Variants in C5 observed in about 807,000 individuals in gnomAD.
The protein encoded by C5 is C3 and PZP-like alpha-2-macroglobulin domain-containing protein 4.
C5 carries 140 observed loss-of-function variants against 218.8 expected under a neutral mutation model. The ratio of observed to expected loss-of-function variants is 0.64; its 90% CI spans 0.56 to 0.74. The LOEUF is 0.74. C5 is among the 30% of genes least tolerant of loss of function. The pLI is 0.00. For synonymous variants in C5, 614 were observed against 682.3 expected, an observed-to-expected ratio of 0.90 and a Z score of 1.56; for missense variants, 1,700 against 1,969.6, an observed-to-expected ratio of 0.86 and a Z score of 2.59.
intron 22 of C5, among the ~76,000 whole-genome samples, chr9:120,993,635 G>C (rs930717029): frequency 6.6e-6 from 1 of 151,996 alleles, no homozygotes; most frequent in African/African-American, 2.4e-5. Context: ...TTTTAGCCAG[G>C]ATGGTCTCGA....
chr9:121,042,676 T>C (rs2047591305), intron 3 of C5, among the ~76,000 whole-genome samples: 2 of 152,338 alleles, frequency 1.3e-5, no homozygotes, highest in South Asian at 2.1e-4. Flanking sequence ...TCTACAGCAG[T>C]TGGTTTTTGT....
At chr9:121,056,765 C>T in the C5 span, among the ~76,000 whole-genome samples, 1 of 151,470 alleles carries the variant, frequency 6.6e-6, no homozygotes, top group Non-Finnish European at 1.5e-5. Flanking sequence ...GAGTTACTAG[C>T]CTTAAAGGGG....
chr9:121,028,112 A>T (rs1311860424), intron 7 of C5, among the ~76,000 whole-genome samples: 1 of 152,248 alleles, frequency 6.6e-6, no homozygotes, highest in Non-Finnish European at 1.5e-5. Context: ...ATCACTGGTC[A>T]TCAGAGAAAT....
intron 27 of C5, among the ~76,000 whole-genome samples, chr9:120,981,426 T>C: frequency 6.6e-6 from 1 of 152,242 alleles, no homozygotes; most frequent in Non-Finnish European, 1.5e-5. Context: ...TGCTGTTGTG[T>C]ATCCTCAGTA....
At position 120,989,715 on chromosome 9, in the gene C5, G is replaced by A; in HGVS notation, c.3007C>T (p.Leu1003Phe). 1 of 1,614,102 alleles carries A rather than the reference G, an allele frequency of 6.2e-7. No homozygotes were observed. The highest frequency in any genetic ancestry group is 8.5e-7 in the Non-Finnish European group (1 of 1,179,982). ...SQEGINILTH[L>F]PKGSAEAELM... ...TCCGCCTCTGCACTCCCTTTGGGGA[G>A]GTGGGTTAGGATATTGATGCCTTCC... is the stretch of plus-strand genomic sequence containing the variant. Residue 1003 changes from leucine to phenylalanine, a missense_variant, in exon 24 of 41, where the codon CTC becomes TTC. Coordinates refer to ENST00000223642, the MANE Select transcript of C5 (RefSeq NM_001735.3).
At chr9:121,006,819 G>A in intron 19 of C5, 85 bp downstream of exon 19, 1 of 991,940 alleles carries the variant, frequency 1.0e-6, no homozygotes, top group East Asian at 2.4e-5. Flanking sequence ...TTAAGTCCTG[G>A]GTAAACTAAA....
rs1237503357 is a variant in C5, at chr9:120,952,361, A to T, written c.*378T>A. The T allele has an allele frequency of 1.1e-5, 3 of 283,234 alleles. No homozygotes were observed. The highest frequency in any genetic ancestry group is 2.1e-5 in the Non-Finnish European group (3 of 145,484). 17.5% of individuals were successfully genotyped at this position (283,234 alleles called of 1,614,324 possible). On this transcript the variant is annotated 3_prime_UTR_variant, in exon 41 of 41. Transcript: ENST00000223642. ...TTGAAAGCAAACTCAGGCTTTAATGATCAGTTTCCTGTTCCTTGGTATTTT... is the reference window on the plus strand; with the variant it reads ...TTGAAAGCAAACTCAGGCTTTAATGTTCAGTTTCCTGTTCCTTGGTATTTT...
chr9:121,041,282 A>AG (rs1465559661), intron 3 of C5, among the ~76,000 whole-genome samples: 1 of 142,702 alleles, frequency 7.0e-6, no homozygotes, highest in Non-Finnish European at 1.5e-5. Flanking sequence ...CTGATAGAGA[A>AG]ATAATACATG....
chr9:120,962,802 G>A lies in C5; in HGVS notation c.4399-26C>T, dbSNP rs1039760315. On this transcript the variant is annotated intron_variant, in intron 35 of 40. Coordinates refer to ENST00000223642, the MANE Select transcript of C5 (RefSeq NM_001735.3). The stretch of plus-strand genomic sequence containing the variant: ...CTGTTTAACAAATTCAAGGATTTAA[G>A]GAAATTATGGAGAGATGATATTTAT... 6 of 1,602,312 alleles carry A rather than the reference G, an allele frequency of 3.7e-6. No homozygotes were observed. In the African/African-American group the frequency reaches 8.0e-5, roughly 21 times the overall value.
chr9:120,998,381 T>C (rs1396285281), intron 20 of C5, among the ~76,000 whole-genome samples: 1 of 152,262 alleles, frequency 6.6e-6, no homozygotes, highest in Non-Finnish European at 1.5e-5. Context: ...ATAGCACTTA[T>C]TACCCTGTCT....
intron 5 of C5, among the ~76,000 whole-genome samples, chr9:121,033,363 A>G (rs1033293884): frequency 2.6e-5 from 4 of 152,230 alleles, no homozygotes; most frequent in Non-Finnish European, 5.9e-5. Context: ...TAGGGAGTAA[A>G]ACAAAGCAAG....
Position 121,017,400 on chromosome 9 carries a change from A to T in C5, c.1828T>A (p.Tyr610Asn). ...VALAAVDSAV[Y>N]GVQRGAKKPL... ...TTTTTGGCTCCTCTTTGGACTCCATACACAGCACTGTCCACTGCTGCTAAT... is the reference window on the plus strand; with the variant it reads ...TTTTTGGCTCCTCTTTGGACTCCATTCACAGCACTGTCCACTGCTGCTAAT... The change falls in exon 14 of 41, where the codon TAT becomes AAT. Residue 610 changes from tyrosine to asparagine, a missense_variant. Tyr to Asn is a moderately radical substitution (Grantham distance 143, BLOSUM62 -2). Transcript: ENST00000223642. The T allele has an allele frequency of 1.2e-6, 2 of 1,613,962 alleles. No individual in the cohort carries two copies. The highest frequency in any genetic ancestry group is 1.7e-6 in the Non-Finnish European group (2 of 1,179,958).
chr9:120,980,317 C>T, intron 27 of C5, 63 bp from the exon 28 acceptor site: 1 of 1,406,238 alleles, frequency 7.1e-7, no homozygotes, highest in Non-Finnish European at 1.0e-6. Flanking sequence ...TTGATATGAA[C>T]TACCCTCAGA....
chr9:121,017,331 C>T, intron 14 of C5, 31 bp downstream of exon 14: 6 of 1,612,560 alleles, frequency 3.7e-6, no homozygotes, highest in Non-Finnish European at 5.1e-6. Flanking sequence ...ACACTTCATG[C>T]AACACTGCAG....
intron 28 of C5, among the ~76,000 whole-genome samples, chr9:120,979,171 A>G (rs1401058764): frequency 6.6e-6 from 1 of 152,056 alleles, no homozygotes; most frequent in Non-Finnish European, 1.5e-5. Flanking sequence ...CCTCCTTGCC[A>G]TTCTTGGAGC....
the C5 span, among the ~76,000 whole-genome samples, chr9:121,064,123 GT>G: frequency 2.0e-5 from 3 of 151,098 alleles, no homozygotes; most frequent in Non-Finnish European, 1.5e-5. Flanking sequence ...TTTATTTTTT[GT>G]TTTTTTAAAT....
the C5 span, among the ~76,000 whole-genome samples, chr9:121,070,410 T>TAC: frequency 7.2e-6 from 1 of 138,320 alleles, no homozygotes; most frequent in African/African-American, 2.8e-5. Context: ...TATATATATA[T>TAC]ATATATATAT....
intron 17 of C5, among the ~76,000 whole-genome samples, chr9:121,011,306 A>G (rs568247367): frequency 3.3e-5 from 5 of 152,334 alleles, no homozygotes; most frequent in Admixed American, 3.3e-4. Flanking sequence ...CCACTTAAAA[A>G]TGGGCAAAAG....
chr9:121,004,633 C>T (rs557625053), intron 20 of C5, among the ~76,000 whole-genome samples: 1 of 152,024 alleles, frequency 6.6e-6, no homozygotes, highest in African/African-American at 2.4e-5. Context: ...ATTAGCCAAG[C>T]ATGGTGGCGT....
Sources: gnomAD v4.1 joint callset for allele counts (sites outside exome capture counted in the v4.1 genomes callset) on GRCh38, gnomAD v4.1.1 for gene constraint, MANE v1.5 for transcripts, NCBI Gene and HGNC (gene_info 2026-07-23, HGNC 2026-07-21) for gene names.